The following INTS1 variants were observed in gnomAD, a reference collection of about 807,000 sequenced individuals.
The protein encoded by INTS1 is integrator complex subunit 1.
In INTS1, 137 loss-of-function variants were observed where a neutral mutation model predicts 241.6. That is an observed-to-expected ratio of 0.57 (90% confidence interval 0.49 to 0.65). The LOEUF is 0.65. Among genes scored for constraint, INTS1 ranks in the 30% least tolerant of loss-of-function variants. The pLI is 0.00. For missense variants in INTS1, 3,073 were observed against 3,032.2 expected (o/e 1.01, Z -0.32); for synonymous variants, 1,692 against 1,337.8 (o/e 1.26, Z -5.78).
intron 16 of INTS1, 34 bp downstream of exon 16, chr7:1,492,976 C>A (rs747216554): frequency 1.1e-5 from 17 of 1,551,266 alleles, no homozygotes; most frequent in African/African-American, 1.4e-5. Context: ...GCGGGCTTAC[C>A]CGGGCGGGAG....
At chr7:1,482,490 A>G in intron 27 of INTS1, 56 bp downstream of exon 27, 1 of 1,529,060 alleles carries the variant, frequency 6.5e-7, no homozygotes, top group Middle Eastern at 1.8e-4. Flanking sequence ...GGAGCAGGCA[A>G]GGGGCCCGGG....
At chr7:1,498,338 A>G in intron 10 of INTS1, 74 bp downstream of exon 10, 2 of 1,574,146 alleles carry the variant, frequency 1.3e-6, no homozygotes, top group African/African-American at 1.3e-5. Context: ...CGGCCTCCCC[A>G]GACGCCACGT....
In INTS1 at chr7:1,482,572, G is replaced by A; in HGVS notation, c.3677C>T (p.Ser1226Phe). 6.2e-7 allele frequency: 1 copy of A among 1,612,734 alleles called. No homozygotes were observed. Among genetic ancestry groups the A allele is most frequent in the South Asian group, 1.1e-5 (1 of 91,086 alleles). Residue 1226 changes from serine (S) to phenylalanine (F), a missense_variant, in exon 27 of 48, where the codon TCT becomes TTT. By Grantham distance (155) the Ser-to-Phe change is radical. Transcript: ENST00000404767. Reference sequence around the variant, plus strand: ...GGCGTCCACCAGGCGGAGCACCTCAGAACGGATCATGCGCAGCTTCAGCCA... The same window carrying A: ...GGCGTCCACCAGGCGGAGCACCTCAAAACGGATCATGCGCAGCTTCAGCCA... ...PDWLKLRMIR[S>F]EVLRLVDAAL...
rs372542648 is a variant in INTS1 at position 1,503,081 on chromosome 7, G to T, written c.169C>A (p.Arg57Ser). 3.1e-6 allele frequency: 5 copies of T among 1,612,140 alleles called. No homozygotes were observed. Among genetic ancestry groups the T allele is most frequent in the East Asian group, 4.5e-5 (2 of 44,844 alleles). Residue 57 changes from arginine (R) to serine (S), a missense_variant, in exon 3 of 48, where the codon CGC (arginine) becomes AGC (serine). Coordinates refer to ENST00000404767, the MANE Select transcript of INTS1 (RefSeq NM_001080453.3). Reference protein sequence around the residue: ...KPAPSGLPSERKRDAAAALSS... With the variant: ...KPAPSGLPSESKRDAAAALSS... ...AACGCGGCCGCCGCATCCCGCTTGC[G>T]CTCAGAAGGCAGGCCGGAAGGGGCT...
In INTS1 at chr7:1,474,858, G is replaced by A; in HGVS notation, c.5503-20C>T. On this transcript the variant is annotated intron_variant, in intron 39 of 47. Coordinates refer to ENST00000404767, the MANE Select transcript of INTS1 (RefSeq NM_001080453.3). ...GTCCAGCTGCAGGGAGGGGCGCTCT[G>A]AGGCCGGGGCCGCTGGCTCCCCTCA... The A allele has an allele frequency of 1.3e-6, 2 of 1,569,720 alleles. No individual in the cohort carries two copies. The highest frequency in any genetic ancestry group is 1.4e-5 in the African/African-American group (1 of 74,052).
intron 47 of INTS1, 65 bp from the exon 48 acceptor site, chr7:1,470,757 C>T (rs1781422710): frequency 1.4e-6 from 2 of 1,475,224 alleles, no homozygotes; most frequent in Admixed American, 2.2e-5. Flanking sequence ...GTGACCAGAC[C>T]TCGGGACTCC....
intron 40 of INTS1, 99 bp downstream of exon 40, chr7:1,474,606 G>A: frequency 2.8e-6 from 4 of 1,416,408 alleles, no homozygotes; most frequent in Non-Finnish European, 2.8e-6. Context: ...GCTTTTTTTT[G>A]TTGTTTTTGG....
Position 1,477,017 on chromosome 7 carries a change from C to A in INTS1, c.4939-99G>T, listed in dbSNP as rs988885229. ...TTCCCCAATGAGCCACTCAGAGAGC[C>A]GAGGCTTGGGGTGCTGCCGGTAACA... On this transcript the variant is annotated intron_variant, in intron 35 of 47. Coordinates refer to ENST00000404767, the MANE Select transcript of INTS1 (RefSeq NM_001080453.3). 8.6e-5 allele frequency: 124 copies of A among 1,446,278 alleles called. No individual in the cohort carries two copies. In the Middle Eastern group the frequency reaches 9.8e-4, roughly 11 times the overall value. 89.6% of individuals were successfully genotyped at this position (1,446,278 alleles called of 1,614,324 possible). A position where few individuals can be genotyped will look rare whatever the true frequency, so the allele number is the denominator to read the frequency against.
At chr7:1,474,900 C>G (rs1781640042) in intron 39 of INTS1, 62 bp from the exon 40 acceptor site, 2 of 1,522,090 alleles carry the variant, frequency 1.3e-6, no homozygotes, top group Non-Finnish European at 8.8e-7. Flanking sequence ...CACCCACACT[C>G]AGCCTGGCCG....
In INTS1 at chr7:1,473,649, CTTG is replaced by C; in HGVS notation, c.5871_5873del (p.Asn1957del). 6.2e-7 allele frequency: 1 copy of C among 1,613,462 alleles called. No homozygotes were observed. Among genetic ancestry groups the C allele is most frequent in the Non-Finnish European group, 8.5e-7 (1 of 1,179,802 alleles). The stretch of plus-strand genomic sequence containing the variant: ...TGTACTTATGGATGAACTGCACAAA[CTTG>C]TTGATGAAGGCAGCCAGATGGCGGG... On this transcript the variant is annotated inframe_deletion, in exon 42 of 48. Coordinates refer to ENST00000404767, the MANE Select transcript of INTS1 (RefSeq NM_001080453.3).
intron 22 of INTS1, 149 bp downstream of exon 22, chr7:1,486,476 G>C: frequency 1.2e-6 from 1 of 817,942 alleles, no homozygotes; most frequent in South Asian, 1.9e-5. Context: ...TGTTGGCCAG[G>C]CTGGTCTCCA....
chr7:1,490,101 G>A (rs886988467), intron 16 of INTS1, among the ~76,000 whole-genome samples: 41 of 152,016 alleles, frequency 2.7e-4, no homozygotes, highest in Non-Finnish European at 5.9e-4. Context: ...GATGTGAATC[G>A]AGGCACTGCC....
intron 12 of INTS1, 96 bp from the exon 13 acceptor site, chr7:1,495,649 G>A: frequency 6.7e-7 from 1 of 1,482,324 alleles, no homozygotes; most frequent in Non-Finnish European, 9.1e-7. Context: ...GCACTTGGGA[G>A]GGGGTAACTC....
intron 18 of INTS1, 60 bp downstream of exon 18, chr7:1,489,284 C>CCGAG: frequency 6.5e-7 from 1 of 1,526,998 alleles, no homozygotes; most frequent in Non-Finnish European, 8.9e-7. Flanking sequence ...ACAGCCCCAG[C>CCGAG]GGAACGAGAC....
At position 1,473,560 on chromosome 7, in the gene INTS1, A is replaced by G. The variant is rs1247914188; in HGVS notation, c.5957+6T>C. ...CGAGGCTTCCCTGCAGCCCGTGGGCACTCACTGGAGCGGGTCGGCGTGCTT... is the reference window on the plus strand; with the variant it reads ...CGAGGCTTCCCTGCAGCCCGTGGGCGCTCACTGGAGCGGGTCGGCGTGCTT... On this transcript the variant is annotated splice_donor_region_variant and intron_variant, in intron 42 of 47. Transcript: ENST00000404767. 3.8e-6 allele frequency: 6 copies of G among 1,584,470 alleles called. No individual in the cohort carries two copies. The highest frequency in any genetic ancestry group is 3.4e-5 in the South Asian group (3 of 87,436).
At position 1,481,488 on chromosome 7, in the gene INTS1, G is replaced by A. The variant is rs1477087869; in HGVS notation, c.3704C>T (p.Ala1235Val). The change falls in exon 28 of 48, where the codon GCC (alanine) becomes GTC (valine). Residue 1235 changes from alanine (A) to valine (V), a missense_variant and splice_region_variant. Ala to Val is a moderately conservative substitution (Grantham distance 64). Coordinates refer to ENST00000404767, the MANE Select transcript of INTS1 (RefSeq NM_001080453.3). This position sits in a 1 kb window ranked among gnomAD's most constrained non-coding sequence, Gnocchi z 6.8. ...RSEVLRLVDAALQDLEPQQLL... is the reference protein window; with the variant it reads ...RSEVLRLVDAVLQDLEPQQLL... ...CTGCTGCGGCTCCAGGTCCTGCAGGGCTGAGGGTGCACGCGCTCCGTAACG... is the reference window on the plus strand; with the variant it reads ...CTGCTGCGGCTCCAGGTCCTGCAGGACTGAGGGTGCACGCGCTCCGTAACG... The A allele has an allele frequency of 6.2e-7, 1 of 1,607,140 alleles. No homozygotes were observed. Among genetic ancestry groups the A allele is most frequent in the East Asian group, 2.2e-5 (1 of 44,768 alleles).
rs375297696 is a variant in INTS1, at chr7:1,480,384, C to T, written c.4007G>A (p.Arg1336Gln). ...SSPEQPIGQG[R>Q]IRVGTQLRVL... ...CCGGAGCTGGGTCCCCACCCGAATC[C>T]GGCCCTGGCCTATGGGCTGCTCTGG... The change falls in exon 30 of 48, where the codon CGG becomes CAG. Residue 1336 changes from arginine to glutamine, a missense_variant. By Grantham distance (43) the Arg-to-Gln change is conservative. Transcript: ENST00000404767. The T allele has an allele frequency of 1.2e-5, 19 of 1,612,812 alleles. No individual in the cohort carries two copies. Among genetic ancestry groups the T allele is most frequent in the Admixed American group, 3.3e-5 (2 of 59,926 alleles).
rs940871584 is a variant in INTS1 at position 1,497,593 on chromosome 7, C to T, written c.1426-279G>A. Among the ~76,000 whole-genome samples, 20 of 152,154 alleles carry T rather than the reference C, an allele frequency of 1.3e-4. No individual in the cohort carries two copies. Among genetic ancestry groups the T allele is most frequent in the Non-Finnish European group, 4.4e-5 (3 of 68,028 alleles). On this transcript the variant is annotated intron_variant, in intron 10 of 47. Transcript: ENST00000404767. This position sits in a 1 kb window ranked among gnomAD's most constrained non-coding sequence, Gnocchi z 5.3. ...GAAGCTGGGGGTGCGGGACACCAGG[C>T]GGCAAAGCCATAGAAGCGCGTGTGC...
At chr7:1,490,272 C>T (rs1425495507) in intron 16 of INTS1, among the ~76,000 whole-genome samples, 1 of 152,136 alleles carries the variant, frequency 6.6e-6, no homozygotes, top group Non-Finnish European at 1.5e-5. Flanking sequence ...CCGACCAAAA[C>T]TCCAAACGCT....
Sources: gnomAD v4.1 joint callset for allele counts (sites outside exome capture counted in the v4.1 genomes callset) on GRCh38, gnomAD v4.1.1 for gene constraint, Gnocchi (gnomAD v3.1) non-coding constraint, MANE v1.5 for transcripts, NCBI Gene and HGNC (gene_info 2026-07-23, HGNC 2026-07-21) for gene names.